The following NF1 variants were observed in gnomAD, a reference collection of about 807,000 sequenced individuals.
NF1 encodes neurofibromin 1.
A neutral mutation model predicts 325.7 loss-of-function variants in NF1; 122 were observed. That is an observed-to-expected ratio of 0.37 (90% CI 0.32 to 0.44). The LOEUF (loss-of-function observed/expected upper bound fraction) is 0.44, where lower values mean the gene tolerates loss of function less well. NF1 is among the 20% of genes least tolerant of loss of function. The pLI is 1.00. For synonymous variants in NF1, 1,091 were observed against 1,186.0 expected, an observed-to-expected ratio of 0.92 and a Z score of 1.65; for missense variants, 2,140 against 3,415.4, an observed-to-expected ratio of 0.63 and a Z score of 9.31.
chr17:31,214,372 T>C, intron 12 of NF1, 79 bp from the exon 13 acceptor site: 1 of 1,166,636 alleles, frequency 8.6e-7, no homozygotes, highest in Admixed American at 2.2e-5. Context: ...AGGTTTTTAA[T>C]AATAAATTTC....
intron 8 of NF1, among the ~76,000 whole-genome samples, chr17:31,184,473 C>T (rs969866675): frequency 6.6e-6 from 1 of 151,146 alleles, no homozygotes; most frequent in Non-Finnish European, 1.5e-5. Context: ...CACGGTGAAA[C>T]CCTGTCTCTA....
At chr17:31,180,750 A>G (rs1048911733) in intron 5 of NF1, among the ~76,000 whole-genome samples, 5 of 152,250 alleles carry the variant, frequency 3.3e-5, no homozygotes, top group East Asian at 3.8e-4. Context: ...GGCCAGGGCA[A>G]TCAGGCAAGA....
At chr17:31,173,488 C>T (rs1049605661) in intron 5 of NF1, among the ~76,000 whole-genome samples, 8 of 151,710 alleles carry the variant, frequency 5.3e-5, no homozygotes, top group African/African-American at 7.3e-5. Flanking sequence ...CCCAGCTACT[C>T]GGGTGGCCGA....
chr17:31,237,331 G>T (rs1218870875), intron 29 of NF1, among the ~76,000 whole-genome samples: 1 of 152,108 alleles, frequency 6.6e-6, no homozygotes, highest in African/African-American at 2.4e-5. Context: ...CTGGAGTGCG[G>T]TGGCACCATC....
intron 5 of NF1, among the ~76,000 whole-genome samples, chr17:31,177,715 T>A (rs1015911199): frequency 1.3e-5 from 2 of 151,704 alleles, no homozygotes; most frequent in East Asian, 3.9e-4. Flanking sequence ...GAGAACTTCG[T>A]GAAGCATACA....
At chr17:31,294,925 C>G in intron 36 of NF1, 1 of 1,562,708 alleles carries the variant, frequency 6.4e-7, no homozygotes, top group Non-Finnish European at 8.8e-7. Flanking sequence ...AAATATAGCT[C>G]GAATCACTGG....
At chr17:31,252,901 G>T in intron 30 of NF1, 37 bp from the exon 31 acceptor site, 1 of 1,550,666 alleles carries the variant, frequency 6.4e-7, no homozygotes, top group Non-Finnish European at 8.9e-7. Flanking sequence ...TATGTAGTCG[G>T]TGCTGTGACT....
At chr17:31,361,469 G>A (rs1258252515) in intron 57 of NF1, 1 of 152,046 alleles carries the variant, frequency 6.6e-6, no homozygotes, top group Non-Finnish European at 1.5e-5. Flanking sequence ...TTAAACTATT[G>A]TGTGTGTTAT....
Position 31,201,147 on chromosome 17 carries a change from C to T in NF1, c.1173C>T (p.Asn391=), listed in dbSNP as rs367986994. Residue 391 remains asparagine (N), a synonymous_variant, in exon 10 of 58, where the codon AAC becomes AAT. Transcript: ENST00000358273. ...VSCFRISPHN[N]QHFKICLAQN... ...GCTTTCGTATAAGCCCTCACAACAA[C>T]CAACACTTTAAGGTGAGAGCATTGG... 10 of 1,613,964 alleles carry T rather than the reference C, an allele frequency of 6.2e-6. No individual in the cohort carries two copies. The highest frequency in any genetic ancestry group is 8.5e-6 in the Non-Finnish European group (10 of 1,179,996).
At chr17:31,236,058 T>G (rs1555615575) in intron 29 of NF1, 37 bp downstream of exon 29, 8 of 1,108,710 alleles carry the variant, frequency 7.2e-6, no homozygotes, top group Non-Finnish European at 1.0e-5. Flanking sequence ...CTGTTTTTTG[T>G]TTTTTTTTTT....
intron 14 of NF1, among the ~76,000 whole-genome samples, chr17:31,221,563 G>A (rs931992107): frequency 6.6e-6 from 1 of 152,036 alleles, no homozygotes; most frequent in Non-Finnish European, 1.5e-5. Context: ...GTTTCTTAAA[G>A]CAGTTTTTAC....
At chr17:31,367,135 A>G (rs2070539679) in intron 57 of NF1, 1 of 677,332 alleles carries the variant, frequency 1.5e-6, no homozygotes, top group African/African-American at 1.9e-5. Flanking sequence ...AAGGAACATT[A>G]TAATTATCTA....
At chr17:31,356,296 A>G in intron 51 of NF1, 164 bp from the exon 52 acceptor site, 1 of 639,658 alleles carries the variant, frequency 1.6e-6, no homozygotes, top group Non-Finnish European at 2.7e-6. Flanking sequence ...CTTTGAGAAG[A>G]TGGAAAATAA....
intron 48 of NF1, among the ~76,000 whole-genome samples, chr17:31,344,923 G>C (rs2069932137): frequency 6.6e-6 from 1 of 152,140 alleles, no homozygotes; most frequent in Admixed American, 6.5e-5. Context: ...AGGAGTTCAA[G>C]ACCAGCCTGG....
At chr17:31,104,952 T>A (rs1251452953) in intron 1 of NF1, among the ~76,000 whole-genome samples, 2 of 152,234 alleles carry the variant, frequency 1.3e-5, no homozygotes, top group Non-Finnish European at 2.9e-5. Context: ...TTCCTCAGGC[T>A]GGAGTGCAGT....
At chr17:31,110,119 T>G (rs776124165) in intron 1 of NF1, among the ~76,000 whole-genome samples, 6 of 152,220 alleles carry the variant, frequency 3.9e-5, no homozygotes, top group Non-Finnish European at 8.8e-5. Flanking sequence ...AAAGCTGGGT[T>G]TGTAAACCAC....
At chr17:31,100,831 G>T (rs1021056106) in intron 1 of NF1, among the ~76,000 whole-genome samples, 2 of 152,166 alleles carry the variant, frequency 1.3e-5, no homozygotes, top group African/African-American at 4.8e-5. Flanking sequence ...ACTTCCCAAA[G>T]TGCTGGGATT....
At chr17:31,130,375 C>G (rs891307618) in intron 1 of NF1, among the ~76,000 whole-genome samples, 2 of 152,188 alleles carry the variant, frequency 1.3e-5, no homozygotes, top group African/African-American at 4.8e-5. Flanking sequence ...AATTCTTGTT[C>G]GCATGTGCCA....
At chr17:31,311,347 A>G (rs1005527008) in intron 36 of NF1, among the ~76,000 whole-genome samples, 6 of 152,196 alleles carry the variant, frequency 3.9e-5, no homozygotes, top group Non-Finnish European at 5.9e-5. Context: ...GAAGTATGCC[A>G]TTATCTTTTA....
Sources: gnomAD v4.1 joint callset for allele counts (sites outside exome capture counted in the v4.1 genomes callset) on GRCh38, gnomAD v4.1.1 for gene constraint, MANE v1.5 for transcripts, NCBI Gene and HGNC (gene_info 2026-07-23, HGNC 2026-07-21) for gene names.